The following AUTS2 variants were observed in gnomAD, a reference collection of about 807,000 sequenced individuals.
AUTS2 encodes activator of transcription and developmental regulator AUTS2.
Under a neutral mutation model 112.4 loss-of-function variants are expected in AUTS2, and 17 were observed. That is an observed-to-expected ratio of 0.15 (90% CI 0.10 to 0.23). AUTS2 has a LOEUF of 0.23. Among genes scored for constraint, AUTS2 ranks in the 10% least tolerant of loss-of-function variants. The pLI, the probability that AUTS2 is intolerant of heterozygous loss-of-function variation, is 1.00. For missense variants in AUTS2, 1,510 were observed against 1,701.6 expected (o/e 0.89, Z 1.98); for synonymous variants, 751 against 702.7 (o/e 1.07, Z -1.09).
chr7:70,767,905 T>G, intron 9 of AUTS2, 119 bp from the exon 10 acceptor site: 38 of 893,868 alleles, frequency 4.3e-5, no homozygotes, highest in Non-Finnish European at 6.6e-5. Flanking sequence ...TCATATGTAA[T>G]GAGGTTATGG....
intron 1 of AUTS2, among the ~76,000 whole-genome samples, chr7:69,693,162 TCAG>T (rs1427419323): frequency 6.6e-6 from 1 of 152,204 alleles, no homozygotes; most frequent in Admixed American, 6.5e-5. Context: ...TCCCTGAGCC[TCAG>T]TTTCAGCATC....
chr7:70,404,137 C>A (rs1251883203), intron 4 of AUTS2, among the ~76,000 whole-genome samples: 1 of 152,214 alleles, frequency 6.6e-6, no homozygotes, highest in Non-Finnish European at 1.5e-5. Context: ...CATCATCCAT[C>A]ACCCAACCCT....
At chr7:70,165,773 CAA>C (rs1808348770) in intron 4 of AUTS2, among the ~76,000 whole-genome samples, 1 of 152,100 alleles carries the variant, frequency 6.6e-6, no homozygotes, top group African/African-American at 2.4e-5. Context: ...AATAAACAGA[CAA>C]GACATTTTTT....
chr7:70,026,365 C>T (rs1238366255), intron 2 of AUTS2, among the ~76,000 whole-genome samples: 1 of 152,174 alleles, frequency 6.6e-6, no homozygotes, highest in Admixed American at 6.5e-5. Context: ...TGGAATTGGG[C>T]AGACAGAGGT....
At chr7:70,148,525 A>T (rs1435175215) in intron 4 of AUTS2, among the ~76,000 whole-genome samples, 1 of 152,142 alleles carries the variant, frequency 6.6e-6, no homozygotes, top group Non-Finnish European at 1.5e-5. Flanking sequence ...ATCTTGACTC[A>T]GCCCACTGGT....
intron 4 of AUTS2, among the ~76,000 whole-genome samples, chr7:70,328,167 CCA>C (rs781569270): frequency 6.6e-6 from 1 of 152,128 alleles, no homozygotes; most frequent in Non-Finnish European, 1.5e-5. Context: ...CTCCAGAGAA[CCA>C]AATGCCTTTC....
chr7:70,440,079 A>G (rs1204635635), intron 5 of AUTS2, among the ~76,000 whole-genome samples: 1 of 152,042 alleles, frequency 6.6e-6, no homozygotes, highest in Non-Finnish European at 1.5e-5. Flanking sequence ...GTCCTGTAGC[A>G]ATTAAATGAA....
intron 1 of AUTS2, among the ~76,000 whole-genome samples, chr7:69,612,875 T>C (rs763658390): frequency 2.6e-5 from 4 of 152,208 alleles, no homozygotes; most frequent in Non-Finnish European, 5.9e-5. Flanking sequence ...CTTTCTTCAC[T>C]CAGTAATCTA....
intron 5 of AUTS2, among the ~76,000 whole-genome samples, chr7:70,440,407 C>G (rs1457912480): frequency 6.6e-6 from 1 of 152,064 alleles, no homozygotes; most frequent in East Asian, 1.9e-4. Flanking sequence ...GAGTGAGACC[C>G]TGTCTCTAAA....
At chr7:69,667,337 T>G (rs1194376380) in intron 1 of AUTS2, among the ~76,000 whole-genome samples, 1 of 139,690 alleles carries the variant, frequency 7.2e-6, no homozygotes, top group African/African-American at 2.7e-5. Context: ...AAATCAAGCT[T>G]TTGTTTTGTT....
At chr7:69,797,111 G>A (rs1789879236) in intron 1 of AUTS2, among the ~76,000 whole-genome samples, 3 of 152,014 alleles carry the variant, frequency 2.0e-5, no homozygotes, top group Admixed American at 2.0e-4. Flanking sequence ...TCAACTTTTG[G>A]GACATTGGTC....
chr7:70,746,170 A>T (rs1788438951), intron 6 of AUTS2, among the ~76,000 whole-genome samples: 1 of 152,176 alleles, frequency 6.6e-6, no homozygotes, highest in Non-Finnish European at 1.5e-5. Flanking sequence ...ATTTTGAGAC[A>T]GAGTCTCACT....
intron 4 of AUTS2, among the ~76,000 whole-genome samples, chr7:70,178,483 T>G (rs1011212263): frequency 6.6e-6 from 1 of 152,080 alleles, no homozygotes; most frequent in Non-Finnish European, 1.5e-5. Flanking sequence ...TATATATTAT[T>G]AAAGATACAG....
intron 1 of AUTS2, among the ~76,000 whole-genome samples, chr7:69,603,898 T>A (rs1792568934): frequency 6.6e-6 from 1 of 152,190 alleles, no homozygotes; most frequent in Non-Finnish European, 1.5e-5. Flanking sequence ...TATTTGGGTT[T>A]TTTTTCTGTG....
At chr7:70,303,961 ATC>A (rs1424635433) in intron 4 of AUTS2, among the ~76,000 whole-genome samples, 1 of 152,112 alleles carries the variant, frequency 6.6e-6, no homozygotes, top group Admixed American at 6.5e-5. Context: ...CCTGTTTCAC[ATC>A]TCTGACTCCT....
At chr7:70,123,384 T>C (rs1805792124) in intron 3 of AUTS2, among the ~76,000 whole-genome samples, 1 of 152,166 alleles carries the variant, frequency 6.6e-6, no homozygotes, top group South Asian at 2.1e-4. Flanking sequence ...CAGAGGTTTG[T>C]TGTGACATGA....
chr7:70,549,605 T>G (rs920307127), intron 5 of AUTS2, among the ~76,000 whole-genome samples: 50 of 152,224 alleles, frequency 3.3e-4, no homozygotes, highest in Admixed American at 2.7e-3. Flanking sequence ...AGCAGGAGAA[T>G]CACTTGAAAC....
intron 5 of AUTS2, among the ~76,000 whole-genome samples, chr7:70,483,495 G>T (rs766012947): frequency 6.6e-6 from 1 of 152,144 alleles, no homozygotes; most frequent in Admixed American, 6.5e-5. Context: ...CCTGATTTTC[G>T]AAGTGAAGGG....
intron 1 of AUTS2, chr7:69,825,762 A>G (rs902753345): frequency 2.0e-4 from 30 of 152,336 alleles, no homozygotes; most frequent in African/African-American, 7.2e-4. Context: ...CCACAAGCAT[A>G]CACTTTTATT....
Sources: gnomAD v4.1 joint callset for allele counts (sites outside exome capture counted in the v4.1 genomes callset) on GRCh38, gnomAD v4.1.1 for gene constraint, MANE v1.5 for transcripts, NCBI Gene and HGNC (gene_info 2026-07-23, HGNC 2026-07-21) for gene names.